The following CAMKMT variants were observed in gnomAD, a reference collection of about 807,000 sequenced individuals.
The protein encoded by CAMKMT is calmodulin-lysine N-methyltransferase.
CAMKMT carries 53 observed loss-of-function variants against 48.0 expected under a neutral mutation model. That is an observed-to-expected ratio of 1.10 (90% confidence interval 0.89 to 1.39). CAMKMT has a LOEUF of 1.39. CAMKMT is among the 40% of genes most tolerant of loss of function. The pLI is 0.00. For missense variants in CAMKMT, 428 were observed against 402.7 expected (o/e 1.06, Z -0.54); for synonymous variants, 165 against 152.3 (o/e 1.08, Z -0.61).
At position 44,372,790 on chromosome 2, in the gene CAMKMT, T is replaced by C; in HGVS notation, c.213T>C (p.Phe71=). 4.3e-6 allele frequency: 7 copies of C among 1,613,932 alleles called. No individual in the cohort carries two copies. The highest frequency in any genetic ancestry group is 5.9e-6 in the Non-Finnish European group (7 of 1,179,896). The stretch of plus-strand genomic sequence containing the variant: ...GAAGATTTGAATCATTTAATCTGTT[T>C]TCAGTAACAGAAGGCAAAGAAAGGG... The part of the protein sequence containing the change: ...SVRRFESFNL[F]SVTEGKERET... Residue 71 remains phenylalanine (F), a synonymous_variant, in exon 2 of 11, where the codon TTT becomes TTC. Coordinates refer to ENST00000378494, the MANE Select transcript of CAMKMT (RefSeq NM_024766.5).
chr2:44,646,650 A>ATTT (rs1673750135), intron 3 of CAMKMT, among the ~76,000 whole-genome samples: 1 of 152,192 alleles, frequency 6.6e-6, no homozygotes. Context: ...TTCCCACAAG[A>ATTT]AACTTTCTAC....
chr2:44,584,745 C>T (rs901075984), intron 3 of CAMKMT, among the ~76,000 whole-genome samples: 1 of 151,928 alleles, frequency 6.6e-6, no homozygotes, highest in African/African-American at 2.4e-5. Flanking sequence ...AATTGGGTGT[C>T]TGCATGAAAT....
chr2:44,674,895 A>AG (rs1433828574), intron 3 of CAMKMT, among the ~76,000 whole-genome samples: 2 of 151,832 alleles, frequency 1.3e-5, no homozygotes, highest in Non-Finnish European at 2.9e-5. Context: ...GAAAAAAAAA[A>AG]CACACAAACT....
At chr2:44,690,313 T>C (rs1167647630) in intron 3 of CAMKMT, among the ~76,000 whole-genome samples, 4 of 152,230 alleles carry the variant, frequency 2.6e-5, no homozygotes, top group Non-Finnish European at 5.9e-5. Context: ...TCAATTCAAC[T>C]CTTCCATTTT....
chr2:44,666,204 G>T lies in CAMKMT; in HGVS notation c.377-38079G>T, dbSNP rs142948686. Among the ~76,000 whole-genome samples the T allele has an allele frequency of 1.3e-3, 200 of 152,282 alleles. 1 individual carries two copies. The highest frequency in any genetic ancestry group is 4.3e-3 in the African/African-American group (179 of 41,568). On this transcript the variant is annotated intron_variant, in intron 3 of 10. Coordinates refer to ENST00000378494, the MANE Select transcript of CAMKMT (RefSeq NM_024766.5). The stretch of plus-strand genomic sequence containing the variant: ...AAAATGAAATGTGAGGGAAAAAATT[G>T]TTCGACCTGAATAGGCAGATGGAAA...
chr2:44,669,513 A>T (rs1675209563), intron 3 of CAMKMT, among the ~76,000 whole-genome samples: 1 of 152,244 alleles, frequency 6.6e-6, no homozygotes, highest in African/African-American at 2.4e-5. Context: ...GTATCAATTT[A>T]TACTAATATA....
At chr2:44,701,596 T>C (rs1334100157) in intron 3 of CAMKMT, among the ~76,000 whole-genome samples, 3 of 152,200 alleles carry the variant, frequency 2.0e-5, no homozygotes, top group Non-Finnish European at 4.4e-5. Context: ...TGGGAAAAGA[T>C]GGGTTGTCAT....
chr2:44,505,379 A>G (rs900951760), intron 3 of CAMKMT, among the ~76,000 whole-genome samples: 7 of 152,218 alleles, frequency 4.6e-5, no homozygotes, highest in Admixed American at 3.3e-4. Context: ...TTTGCTGAGC[A>G]AAGGCTTTTA....
At chr2:44,713,243 A>G (rs897574774) in intron 6 of CAMKMT, among the ~76,000 whole-genome samples, 2 of 152,176 alleles carry the variant, frequency 1.3e-5, no homozygotes, top group African/African-American at 4.8e-5. Context: ...CTATTTTATA[A>G]AAAGTATTAC....
chr2:44,615,258 G>T (rs1357174852), intron 3 of CAMKMT, among the ~76,000 whole-genome samples: 1 of 152,018 alleles, frequency 6.6e-6, no homozygotes, highest in Non-Finnish European at 1.5e-5. Context: ...CATGCCAGAT[G>T]ACTTTCACAT....
chr2:44,680,367 G>A (rs904862311), intron 3 of CAMKMT, among the ~76,000 whole-genome samples: 3 of 152,146 alleles, frequency 2.0e-5, no homozygotes, highest in Admixed American at 2.0e-4. Context: ...AGAGGACAGC[G>A]ACAGACAGTT....
At chr2:44,495,458 ATT>A (rs1174473350) in intron 3 of CAMKMT, among the ~76,000 whole-genome samples, 1 of 152,168 alleles carries the variant, frequency 6.6e-6, no homozygotes, top group Non-Finnish European at 1.5e-5. Context: ...ATTGATATTT[ATT>A]TTGAGGACTG....
At chr2:44,531,813 A>G (rs561600312) in intron 3 of CAMKMT, among the ~76,000 whole-genome samples, 1 of 152,294 alleles carries the variant, frequency 6.6e-6, no homozygotes, top group Admixed American at 6.5e-5. Context: ...TAAGAAAACT[A>G]AGGCAAATAT....
chr2:44,490,765 T>G (rs551029208), intron 3 of CAMKMT, among the ~76,000 whole-genome samples: 1 of 152,298 alleles, frequency 6.6e-6, no homozygotes, highest in East Asian at 1.9e-4. Context: ...TAAATTCAGC[T>G]TTACTATTTT....
At position 44,482,794 on chromosome 2, in the gene CAMKMT, A is replaced by C. The variant is rs920510739; in HGVS notation, c.376+92489A>C. 2.0e-5 allele frequency among the ~76,000 whole-genome samples: 3 copies of C among 152,092 alleles called. No individual in the cohort carries two copies. In the South Asian group the frequency reaches 6.2e-4, roughly 31 times the overall value. On this transcript the variant is annotated intron_variant, in intron 3 of 10. Transcript: ENST00000378494. ...GTAGAGGGGAGAATGATGATTAGAA[A>C]GGTAAATTAGTATCATAAACACTCC...
Position 44,715,318 on chromosome 2 carries a change from G to A in CAMKMT, c.588G>A (p.Lys196=), listed in dbSNP as rs1255842916. ...AAGACATCATCACAAGGAATCAGAA[G>A]GCTGGTGTGTTTAAGACCCAGAAAA... ...NVQDIITRNQ[K]AGVFKTQKIS... is the part of the protein sequence containing the mutation. Residue 196 remains lysine, a synonymous_variant, in exon 7 of 11, where the codon AAG becomes AAA. Coordinates refer to ENST00000378494, the MANE Select transcript of CAMKMT (RefSeq NM_024766.5). 1 of 1,613,374 alleles carries A rather than the reference G, an allele frequency of 6.2e-7. No homozygotes were observed. Among genetic ancestry groups the A allele is most frequent in the Non-Finnish European group, 8.5e-7 (1 of 1,179,650 alleles).
At chr2:44,365,061 G>C (rs1016672832) in intron 1 of CAMKMT, among the ~76,000 whole-genome samples, 4 of 152,126 alleles carry the variant, frequency 2.6e-5, no homozygotes, top group African/African-American at 9.7e-5. Context: ...ACATTTACAA[G>C]CTCTTAGTAA....
intron 3 of CAMKMT, among the ~76,000 whole-genome samples, chr2:44,511,531 C>T (rs555985306): frequency 9.9e-4 from 150 of 151,438 alleles, no homozygotes; most frequent in African/African-American, 2.7e-3. Context: ...TCAGGCAATC[C>T]GCCTGCCTCA....
At chr2:44,606,975 T>C (rs1671322479) in intron 3 of CAMKMT, among the ~76,000 whole-genome samples, 1 of 152,228 alleles carries the variant, frequency 6.6e-6, no homozygotes, top group South Asian at 2.1e-4. Flanking sequence ...GTCTGAATTG[T>C]TTTGTCAGTA....
Sources: gnomAD v4.1 joint callset for allele counts (sites outside exome capture counted in the v4.1 genomes callset) on GRCh38, gnomAD v4.1.1 for gene constraint, MANE v1.5 for transcripts, NCBI Gene and HGNC (gene_info 2026-07-23, HGNC 2026-07-21) for gene names.